Variants in PTPRM observed in about 807,000 individuals in gnomAD.
PTPRM encodes the protein protein tyrosine phosphatase receptor type M.
Under a neutral mutation model 186.7 loss-of-function variants are expected in PTPRM, and 47 were observed. That is an observed-to-expected ratio of 0.25 (90% confidence interval 0.20 to 0.32). The LOEUF (loss-of-function observed/expected upper bound fraction) is 0.32, where lower values mean the gene tolerates loss of function less well. Among genes scored for constraint, PTPRM ranks in the 10% least tolerant of loss-of-function variants. PTPRM has a pLI of 1.00. For missense variants in PTPRM, 1,494 were observed against 1,865.0 expected (o/e 0.80, Z 3.66); for synonymous variants, 668 against 674.9 (o/e 0.99, Z 0.16).
At chr18:7,978,586 C>T (rs1200871223) in intron 7 of PTPRM, among the ~76,000 whole-genome samples, 4 of 152,068 alleles carry the variant, frequency 2.6e-5, no homozygotes, top group Non-Finnish European at 5.9e-5. Context: ...ACTTACGAGG[C>T]GAATGTTGGT....
intron 7 of PTPRM, chr18:8,018,205 C>G (rs1245014449): frequency 6.6e-6 from 1 of 152,110 alleles, no homozygotes; most frequent in African/African-American, 2.4e-5. Context: ...TTGCTGGAGC[C>G]CAGGAGTTCA....
At chr18:8,240,834 GAAAGA>G (rs2094426727) in intron 14 of PTPRM, among the ~76,000 whole-genome samples, 1 of 125,564 alleles carries the variant, frequency 8.0e-6, no homozygotes, top group South Asian at 2.4e-4. Context: ...GAGAAAGAAA[GAAAGA>G]AAGAAAAGAA....
At chr18:8,258,177 AGTTT>A (rs1344631016) in intron 19 of PTPRM, among the ~76,000 whole-genome samples, 1 of 152,158 alleles carries the variant, frequency 6.6e-6, no homozygotes, top group Non-Finnish European at 1.5e-5. Flanking sequence ...AGAAAGGGCA[AGTTT>A]GTTTATGTTG....
In PTPRM at chr18:7,645,561, A is replaced by T. The variant is rs551521486; in HGVS notation, c.73+77670A>T. ...TGGGCCTTGGTTGTTGCAAAGTATT[A>T]AAAGCACAAATGCTAATATAAACTG... On this transcript the variant is annotated intron_variant, in intron 1 of 32. Coordinates refer to ENST00000580170, the MANE Select transcript of PTPRM (RefSeq NM_001105244.2). 2.2e-4 allele frequency among the ~76,000 whole-genome samples: 34 copies of T among 152,346 alleles called. No individual in the cohort carries two copies. The East Asian group carries it at 6.2e-3, about 28-fold the overall frequency.
chr18:7,786,866 G>T (rs1340090949), intron 2 of PTPRM, among the ~76,000 whole-genome samples: 3 of 152,212 alleles, frequency 2.0e-5, no homozygotes, highest in Non-Finnish European at 4.4e-5. Flanking sequence ...AAAACAAAAT[G>T]ATACAGTTTG....
chr18:8,000,978 A>G (rs2083837838), intron 7 of PTPRM, among the ~76,000 whole-genome samples: 1 of 152,200 alleles, frequency 6.6e-6, no homozygotes, highest in African/African-American at 2.4e-5. Flanking sequence ...AATGGGTGGA[A>G]CATTGCAGGC....
intron 32 of PTPRM, among the ~76,000 whole-genome samples, chr18:8,397,186 G>A (rs780946920): frequency 6.6e-6 from 1 of 152,232 alleles, no homozygotes; most frequent in Non-Finnish European, 1.5e-5. Context: ...CAATAGAGGG[G>A]CCCTCGCCCC....
At chr18:7,920,937 G>C (rs1461809839) in intron 4 of PTPRM, among the ~76,000 whole-genome samples, 1 of 152,058 alleles carries the variant, frequency 6.6e-6, no homozygotes, top group Non-Finnish European at 1.5e-5. Context: ...ATACACTCCT[G>C]TTTTCATTGA....
Position 7,660,387 on chromosome 18 carries a change from C to T in PTPRM, c.73+92496C>T, listed in dbSNP as rs722542. Among the ~76,000 whole-genome samples the T allele has an allele frequency of 3.1e-3, 472 of 151,770 alleles. 4 individuals carry two copies. Among genetic ancestry groups the T allele is most frequent in the African/African-American group, 0.011 (456 of 41,350 alleles). ...AGCAAGCAGTAGAAGTGGGTTTGGT[C>T]GATTTATGCTTCAAGAGGTTTTTGT... On this transcript the variant is annotated intron_variant, in intron 1 of 32. Coordinates refer to ENST00000580170, the MANE Select transcript of PTPRM (RefSeq NM_001105244.2).
intron 7 of PTPRM, among the ~76,000 whole-genome samples, chr18:7,972,708 T>G (rs1170043561): frequency 6.6e-6 from 1 of 152,136 alleles, no homozygotes; most frequent in East Asian, 1.9e-4. Context: ...GTTTATATCT[T>G]GTTAATGGCC....
chr18:8,043,814 G>T (rs2086841405), intron 7 of PTPRM, among the ~76,000 whole-genome samples: 1 of 152,184 alleles, frequency 6.6e-6, no homozygotes, highest in Non-Finnish European at 1.5e-5. Context: ...GAGAATGAGG[G>T]AGTAGGAAGG....
chr18:8,104,246 C>T (rs904944525), intron 11 of PTPRM, among the ~76,000 whole-genome samples: 3 of 152,096 alleles, frequency 2.0e-5, no homozygotes, highest in Admixed American at 6.5e-5. Context: ...CTGTGAAGCC[C>T]AATAATGTGA....
chr18:8,334,932 T>G (rs1166388799), intron 22 of PTPRM, among the ~76,000 whole-genome samples: 2 of 152,080 alleles, frequency 1.3e-5, no homozygotes, highest in Non-Finnish European at 2.9e-5. Flanking sequence ...TGGTCACACC[T>G]AAGGCTGAGC....
In PTPRM at chr18:7,706,618, A is replaced by AC. The variant is rs1380331300; in HGVS notation, c.74-67531_74-67530insC. ...CCTTGTCTCAAAAAAAAAAAAAAAA[A>AC]AAAAAAAAAAAACAACAAAATGTGC... On this transcript the variant is annotated intron_variant, in intron 1 of 32. Coordinates refer to ENST00000580170, the MANE Select transcript of PTPRM (RefSeq NM_001105244.2). Among the ~76,000 whole-genome samples, 722 of 148,946 alleles carry AC rather than the reference A, an allele frequency of 4.8e-3. 11 individuals carry two copies. The highest frequency in any genetic ancestry group is 0.017 in the African/African-American group (700 of 40,244).
chr18:8,009,687 G>A (rs1951953278), intron 7 of PTPRM, among the ~76,000 whole-genome samples: 1 of 152,124 alleles, frequency 6.6e-6, no homozygotes, highest in Non-Finnish European at 1.5e-5. Context: ...CAGCCTGGGG[G>A]ACAGAGCAAG....
chr18:7,991,861 G>A (rs1240242090), intron 7 of PTPRM, among the ~76,000 whole-genome samples: 2 of 152,070 alleles, frequency 1.3e-5, no homozygotes, highest in Non-Finnish European at 2.9e-5. Context: ...GAAAACCATA[G>A]GAAAGAACCC....
chr18:8,200,811 GA>G (rs2093845198), intron 14 of PTPRM, among the ~76,000 whole-genome samples: 1 of 152,280 alleles, frequency 6.6e-6, no homozygotes, highest in South Asian at 2.1e-4. Flanking sequence ...ATATGTGTGA[GA>G]AAGTAAAAAA....
chr18:7,910,131 A>C (rs1338385673), intron 4 of PTPRM, among the ~76,000 whole-genome samples: 2 of 152,194 alleles, frequency 1.3e-5, no homozygotes, highest in Non-Finnish European at 2.9e-5. Flanking sequence ...TAATAGATTT[A>C]TTGACATATC....
intron 14 of PTPRM, among the ~76,000 whole-genome samples, chr18:8,164,716 A>C (rs2093291794): frequency 6.6e-6 from 1 of 152,224 alleles, no homozygotes; most frequent in African/African-American, 2.4e-5. Flanking sequence ...TGAGGAATTG[A>C]TGTTTAATGG....
Sources: allele counts gnomAD v4.1 joint callset (sites outside exome capture counted in the v4.1 genomes callset), GRCh38; gene constraint gnomAD v4.1.1; transcripts MANE v1.5; gene names NCBI Gene and HGNC (gene_info 2026-07-23, HGNC 2026-07-21).